PCOLCE2: variants seen among roughly 807,000 people sequenced by gnomAD.
PCOLCE2 encodes procollagen C-proteinase enhancer 2.
PCOLCE2 carries 42 observed loss-of-function variants against 47.0 expected under a neutral mutation model. The observed-to-expected ratio is 0.89, with a 90% CI of 0.70 to 1.16. The LOEUF (loss-of-function observed/expected upper bound fraction) is 1.16. Ranked by LOEUF, PCOLCE2 falls within the 50% of genes most tolerant of loss-of-function variation. The pLI is 0.00. For missense variants in PCOLCE2, 500 were observed against 526.1 expected (o/e 0.95, Z 0.49); for synonymous variants, 169 against 191.7 (o/e 0.88, Z 0.98).
At chr3:142,832,327 C>T (rs192983338) in intron 5 of PCOLCE2, among the ~76,000 whole-genome samples, 2 of 152,258 alleles carry the variant, frequency 1.3e-5, no homozygotes, top group African/African-American at 2.4e-5. Context: ...CACGCCTGGC[C>T]TAAATTCAGT....
At chr3:142,867,830 CTA>C (rs1384721680) in intron 2 of PCOLCE2, among the ~76,000 whole-genome samples, 1 of 152,084 alleles carries the variant, frequency 6.6e-6, no homozygotes, top group Non-Finnish European at 1.5e-5. Context: ...AAGCAGATAC[CTA>C]TATATATAAA....
chr3:142,867,815 T>C (rs1348153050), intron 2 of PCOLCE2, among the ~76,000 whole-genome samples: 3 of 152,194 alleles, frequency 2.0e-5, no homozygotes, highest in East Asian at 1.9e-4. Flanking sequence ...GTTTCTCATA[T>C]AGTAAAGCAG....
intron 2 of PCOLCE2, among the ~76,000 whole-genome samples, chr3:142,883,356 T>C (rs140329773): frequency 2.7e-3 from 405 of 152,250 alleles, no homozygotes; most frequent in African/African-American, 3.9e-3. Flanking sequence ...ACCCATACCA[T>C]ATGCAGCCAA....
intron 7 of PCOLCE2, 31 bp downstream of exon 7, chr3:142,823,501 A>T: frequency 7.4e-7 from 1 of 1,346,680 alleles, no homozygotes; most frequent in Non-Finnish European, 1.1e-6. Context: ...GTTTCTGGTT[A>T]AAGAGAAAAA....
At chr3:142,869,496 T>C (rs1933343452) in intron 2 of PCOLCE2, among the ~76,000 whole-genome samples, 1 of 152,204 alleles carries the variant, frequency 6.6e-6, no homozygotes. Flanking sequence ...TCTCCTTCCC[T>C]TTCCAGATCT....
chr3:142,832,228 C>T (rs548119405), intron 5 of PCOLCE2, among the ~76,000 whole-genome samples: 71 of 152,282 alleles, frequency 4.7e-4, no homozygotes, highest in African/African-American at 1.5e-3. Flanking sequence ...TCCACCTCCT[C>T]GACTTTACCT....
chr3:142,821,013 G>T lies in PCOLCE2; in HGVS notation c.982C>A (p.Arg328Ser), dbSNP rs527346018. Residue 328 changes from arginine to serine, a missense_variant, in exon 8 of 9, where the codon CGC becomes AGC. Coordinates refer to ENST00000295992, the MANE Select transcript of PCOLCE2 (RefSeq NM_013363.4). ...LAGTVITTIT[R>S]DGSLHATVSI... Reference sequence around the variant, plus strand: ...ACTGTGGCGTGCAAACTCCCATCGCGAGTGATGGTTGTGATAACAGTGCCG... The same window carrying T: ...ACTGTGGCGTGCAAACTCCCATCGCTAGTGATGGTTGTGATAACAGTGCCG... 1.9e-6 allele frequency: 3 copies of T among 1,612,604 alleles called. No individual in the cohort carries two copies. The highest frequency in any genetic ancestry group is 2.5e-6 in the Non-Finnish European group (3 of 1,178,874).
chr3:142,852,932 G>T (rs7630055), intron 2 of PCOLCE2, among the ~76,000 whole-genome samples: 1 of 151,042 alleles, frequency 6.6e-6, no homozygotes, highest in African/African-American at 2.4e-5. Flanking sequence ...TAGGGAGATC[G>T]TGTCTCTACA....
At chr3:142,823,471 G>C (rs1937037627) in intron 7 of PCOLCE2, 61 bp downstream of exon 7, 1 of 965,098 alleles carries the variant, frequency 1.0e-6, no homozygotes, top group Admixed American at 1.9e-5. Flanking sequence ...ATTCCTTTGA[G>C]ATTAAGCATG....
intron 8 of PCOLCE2, among the ~76,000 whole-genome samples, chr3:142,819,118 G>T (rs936127416): frequency 6.6e-6 from 1 of 152,192 alleles, no homozygotes; most frequent in Non-Finnish European, 1.5e-5. Context: ...TGAGGGCATA[G>T]ATGGATCATA....
chr3:142,875,031 T>C (rs139985234), intron 2 of PCOLCE2, among the ~76,000 whole-genome samples: 81 of 152,314 alleles, frequency 5.3e-4, no homozygotes, highest in Non-Finnish European at 7.2e-4. Context: ...AAATGATATA[T>C]GCATTGCTAA....
intron 3 of PCOLCE2, among the ~76,000 whole-genome samples, chr3:142,843,718 T>A (rs1262273895): frequency 6.6e-6 from 1 of 152,062 alleles, no homozygotes; most frequent in African/African-American, 2.4e-5. Context: ...AGAAATAATG[T>A]AAGAATTATT....
At chr3:142,870,704 C>T (rs1243305014) in intron 2 of PCOLCE2, among the ~76,000 whole-genome samples, 1 of 139,876 alleles carries the variant, frequency 7.1e-6, no homozygotes, top group African/African-American at 3.0e-5. Flanking sequence ...GTGAATGAGG[C>T]AATTTTTTTT....
chr3:142,866,698 CAG>C (rs1370003795), intron 2 of PCOLCE2, among the ~76,000 whole-genome samples: 3 of 152,128 alleles, frequency 2.0e-5, no homozygotes, highest in Non-Finnish European at 4.4e-5. Context: ...ACAAAAAACA[CAG>C]ATATATTACA....
At chr3:142,827,755 TA>T (rs1937100733) in intron 6 of PCOLCE2, 3 of 706,498 alleles carry the variant, frequency 4.2e-6, no homozygotes, top group Non-Finnish European at 7.2e-6. Context: ...AAATCTGGCT[TA>T]AATCTTTTAG....
intron 3 of PCOLCE2, among the ~76,000 whole-genome samples, chr3:142,846,313 T>C (rs147101129): frequency 6.6e-6 from 1 of 152,202 alleles, no homozygotes. Flanking sequence ...TTCTCCTGCC[T>C]CGGCCTCCCG....
intron 2 of PCOLCE2, among the ~76,000 whole-genome samples, chr3:142,869,230 G>T (rs2108207162): frequency 6.6e-6 from 1 of 152,070 alleles, no homozygotes; most frequent in East Asian, 1.9e-4. Context: ...GGTGGAGCTT[G>T]CAGTGAGCCG....
chr3:142,861,232 T>A (rs1347136395), intron 2 of PCOLCE2, among the ~76,000 whole-genome samples: 1 of 152,242 alleles, frequency 6.6e-6, no homozygotes, highest in Non-Finnish European at 1.5e-5. Context: ...ACTGTCCTCC[T>A]CTGCAGAGAG....
Position 142,820,860 on chromosome 3 carries a change from A to G in PCOLCE2, c.1117+18T>C. The G allele has an allele frequency of 1.9e-6, 3 of 1,592,796 alleles. No homozygotes were observed. The highest frequency in any genetic ancestry group is 2.6e-6 in the Non-Finnish European group (3 of 1,162,780). On this transcript the variant is annotated intron_variant, in intron 8 of 8. Transcript: ENST00000295992. ...ATCCATGGCTTGCTCAGAGACACCCAGTTTTCTCCCTACTCACCTCTTCTG... is the reference window on the plus strand; with the variant it reads ...ATCCATGGCTTGCTCAGAGACACCCGGTTTTCTCCCTACTCACCTCTTCTG...
Sources: gnomAD v4.1 joint callset for allele counts (sites outside exome capture counted in the v4.1 genomes callset) on GRCh38, gnomAD v4.1.1 for gene constraint, MANE v1.5 for transcripts, NCBI Gene and HGNC (gene_info 2026-07-23, HGNC 2026-07-21) for gene names.